Variants in APLP1 observed in about 807,000 individuals in gnomAD.
APLP1 encodes the protein amyloid beta precursor like protein 1.
Under a neutral mutation model 84.5 loss-of-function variants are expected in APLP1, and 46 were observed. The ratio of observed to expected loss-of-function variants is 0.54; its 90% CI spans 0.43 to 0.70. The LOEUF is 0.70. APLP1 is among the 30% of genes least tolerant of loss of function. The pLI is 0.00. For missense variants in APLP1, 826 were observed against 900.2 expected (o/e 0.92, Z 1.05); for synonymous variants, 376 against 364.0 (o/e 1.03, Z -0.38).
intron 4 of APLP1, 40 bp downstream of exon 4, chr19:35,871,389 C>A: frequency 6.5e-7 from 1 of 1,549,734 alleles, no homozygotes; most frequent in Non-Finnish European, 8.8e-7. Context: ...CCCCACAACC[C>A]AGGAACTGGG....
At position 35,879,194 on chromosome 19, in the gene APLP1, G is replaced by A. The variant is rs763535770; in HGVS notation, c.1834G>A (p.Ala612Thr). ...CCTGCGCAGGAAGAAGCCCTACGGG[G>A]CTATCAGCCATGGCGTGGTGGAGGT... ...LLLRRKKPYG[A>T]ISHGVVEVDP... is the part of the protein sequence containing the mutation. The change falls in exon 16 of 17, where the codon GCT becomes ACT. Residue 612 changes from alanine to threonine, a missense_variant. Physicochemically the swap from Ala to Thr is moderately conservative, Grantham distance 58. Around this residue, in one of 3 missense-constraint regions of APLP1, gnomAD observed 433 missense variants for 496.5 expected, o/e 0.87. Coordinates refer to ENST00000221891, the MANE Select transcript of APLP1 (RefSeq NM_001024807.3). The A allele has an allele frequency of 7.6e-5, 122 of 1,613,062 alleles. 2 individuals carry two copies. In the East Asian group the frequency reaches 2.7e-3, roughly 36 times the overall value.
intron 10 of APLP1, 141 bp from the exon 11 acceptor site, chr19:35,876,376 C>G (rs868783345): frequency 1.8e-5 from 13 of 703,070 alleles, no homozygotes; most frequent in South Asian, 1.7e-5. Context: ...GGCCCAGTTC[C>G]TAACCCTTGT....
In APLP1 at chr19:35,870,943, C is replaced by A; in HGVS notation, c.339C>A (p.Ala113=). 1 of 1,598,836 alleles carries A rather than the reference C, an allele frequency of 6.3e-7. No individual in the cohort carries two copies. The highest frequency in any genetic ancestry group is 8.5e-7 in the Non-Finnish European group (1 of 1,174,010). The part of the protein sequence containing the change: ...QIARVEQATQ[A]IPMERWCGGS... Reference sequence around the variant, plus strand: ...CACGTGTGGAGCAGGCTACGCAGGCCATCCCCATGGAGCGCTGGTGCGGGG... The same window carrying A: ...CACGTGTGGAGCAGGCTACGCAGGCAATCCCCATGGAGCGCTGGTGCGGGG... Residue 113 remains alanine, a synonymous_variant, in exon 3 of 17, where the codon GCC becomes GCA. Transcript: ENST00000221891.
intron 6 of APLP1, 127 bp from the exon 7 acceptor site, chr19:35,872,356 G>A: frequency 1.5e-6 from 2 of 1,300,568 alleles, no homozygotes; most frequent in Non-Finnish European, 2.1e-6. Flanking sequence ...CATAATGCCA[G>A]GCAGCAGCGG....
intron 11 of APLP1, among the ~76,000 whole-genome samples, chr19:35,877,402 T>C (rs1437219201): frequency 6.6e-6 from 1 of 151,908 alleles, no homozygotes; most frequent in East Asian, 1.9e-4. Context: ...GGCAAGAGAA[T>C]TGCTTGAACC....
rs376643850 is a variant in APLP1 at position 35,879,136 on chromosome 19, C to T, written c.1776C>T (p.Gly592=). The change falls in exon 16 of 17, where the codon GGC becomes GGT. Residue 592 remains glycine (G), a synonymous_variant. Transcript: ENST00000221891. ...CGGGTCTGCTGATCATGGGAGCGGG[C>T]GGAGGCTCCCTCATCGTCCTCTCCA... ...AVSGLLIMGA[G]GGSLIVLSML... The T allele has an allele frequency of 1.9e-6, 3 of 1,612,182 alleles. No individual in the cohort carries two copies. Among genetic ancestry groups the T allele is most frequent in the Admixed American group, 3.3e-5 (2 of 60,008 alleles).
intron 2 of APLP1, chr19:35,870,200 G>A: frequency 7.7e-6 from 2 of 259,408 alleles, no homozygotes; most frequent in Admixed American, 1.0e-4. Context: ...ATAACGGGAA[G>A]GGAGAGTTTT....
chr19:35,869,224 C>T, intron 1 of APLP1: 1 of 427,778 alleles, frequency 2.3e-6, no homozygotes, highest in Non-Finnish European at 4.1e-6. Context: ...AGATGTAGCT[C>T]TCCAGTCCTC....
At chr19:35,873,821 C>G (rs1176883842) in intron 8 of APLP1, 108 bp downstream of exon 8, 1 of 996,364 alleles carries the variant, frequency 1.0e-6, no homozygotes, top group African/African-American at 1.6e-5. Context: ...CCCCTTCCCA[C>G]CTATCTCAGC....
At position 35,874,923 on chromosome 19, in the gene APLP1, C is replaced by T; in HGVS notation, c.1344+54C>T. On this transcript the variant is annotated intron_variant, in intron 10 of 16. Coordinates refer to ENST00000221891, the MANE Select transcript of APLP1 (RefSeq NM_001024807.3). The surrounding 1 kb of genome is among the most constrained non-coding windows in gnomAD (Gnocchi z 6.4). ...CGCCGCTATTCCTCAGACGCCCGCG[C>T]CTCAGGCTCTTCTCTTGTCCCTTAG... 1 of 1,583,038 alleles carries T rather than the reference C, an allele frequency of 6.3e-7. No individual in the cohort carries two copies. The highest frequency in any genetic ancestry group is 2.3e-5 in the East Asian group (1 of 44,296).
intron 1 of APLP1, 33 bp from the exon 2 acceptor site, chr19:35,869,634 C>T: frequency 1.2e-6 from 2 of 1,608,134 alleles, no homozygotes; most frequent in Non-Finnish European, 1.7e-6. Context: ...CAACGCCCCC[C>T]GAGCCCTCAC....
In APLP1 at chr19:35,878,649, C is replaced by A. The variant is rs776958157; in HGVS notation, c.1645C>A (p.Arg549=). Residue 549 remains arginine, a synonymous_variant, in exon 14 of 17, where the codon CGA becomes AGA. Transcript: ENST00000221891. The stretch of plus-strand genomic sequence containing the variant: ...GATGAACCCGCTGGAACAGTATGAG[C>A]GAAAGGTAAGTTAGTCAGAACTGTG... The part of the protein sequence containing the change: ...EKMNPLEQYE[R]KVNASVPRGF... 6.2e-7 allele frequency: 1 copy of A among 1,613,982 alleles called. No homozygotes were observed. The highest frequency in any genetic ancestry group is 8.5e-7 in the Non-Finnish European group (1 of 1,179,980).
chr19:35,879,407 AC>A lies in APLP1; in HGVS notation c.1926del (p.Thr643LeufsTer85). The A allele has an allele frequency of 1.2e-6, 2 of 1,613,140 alleles. No homozygotes were observed. The highest frequency in any genetic ancestry group is 8.5e-7 in the Non-Finnish European group (1 of 1,179,908). On this transcript the variant is annotated frameshift_variant, in exon 17 of 17. Transcript: ENST00000221891. LOFTEE classifies it high-confidence loss of function. ...LRELQRHGYE[N>X]PTYRFLEERP The stretch of plus-strand genomic sequence containing the variant: ...GAACTGCAGCGGCACGGCTATGAGA[AC>A]CCCACTTACCGCTTCCTGGAGGAAC...
chr19:35,875,821 G>A (rs1974269969), intron 10 of APLP1, among the ~76,000 whole-genome samples: 1 of 150,232 alleles, frequency 6.7e-6, no homozygotes, highest in Non-Finnish European at 1.5e-5. Context: ...GTTTTGCCAT[G>A]TTGCCCAGGC....
At position 35,879,503 on chromosome 19, in the gene APLP1, C is replaced by G; in HGVS notation, c.*62C>G. The G allele has an allele frequency of 6.9e-7, 1 of 1,444,316 alleles. No individual in the cohort carries two copies. The allele number at this position is 1,444,316 out of a possible 1,614,324, so 89.5% of individuals were successfully genotyped here. On this transcript the variant is annotated 3_prime_UTR_variant, in exon 17 of 17. Transcript: ENST00000221891. ...TCCCCTCTTCCTGGAGCCCCAGAACCCCAACTCCCAGCCTAGGGCAGCAGG... is the reference window on the plus strand; with the variant it reads ...TCCCCTCTTCCTGGAGCCCCAGAACGCCAACTCCCAGCCTAGGGCAGCAGG...
intron 2 of APLP1, 148 bp downstream of exon 2, chr19:35,869,958 T>G (rs899910816): frequency 6.8e-5 from 71 of 1,039,708 alleles, no homozygotes; most frequent in Non-Finnish European, 9.4e-5. Flanking sequence ...GCAGGGGACC[T>G]GTTTTGAGAT....
chr19:35,872,902 C>T (rs1007543561), intron 7 of APLP1, among the ~76,000 whole-genome samples: 46 of 152,004 alleles, frequency 3.0e-4, no homozygotes, highest in Middle Eastern at 3.4e-3. Context: ...TCTTAACACC[C>T]AGGCTGGAGT....
chr19:35,878,413 G>A, intron 13 of APLP1, 171 bp from the exon 14 acceptor site: 2 of 678,742 alleles, frequency 2.9e-6, no homozygotes, highest in Non-Finnish European at 5.1e-6. Context: ...GGGTGTGGTG[G>A]GGCATGTCTG....
chr19:35,877,584 TCA>T (rs1180644897), intron 11 of APLP1, 132 bp from the exon 12 acceptor site: 1 of 593,552 alleles, frequency 1.7e-6, no homozygotes, highest in Admixed American at 3.7e-5. Flanking sequence ...CTTTCTCAGA[TCA>T]CACTTCTGGC....
Sources: allele counts gnomAD v4.1 joint callset (sites outside exome capture counted in the v4.1 genomes callset), GRCh38; gene constraint gnomAD v4.1.1; regional missense constraint gnomAD v4.1.1; non-coding constraint Gnocchi (gnomAD v3.1); transcripts MANE v1.5; gene names NCBI Gene and HGNC (gene_info 2026-07-23, HGNC 2026-07-21).